PDE5A: variants seen among roughly 807,000 people sequenced by gnomAD.
The protein encoded by PDE5A is phosphodiesterase 5A, also known as cGMP-specific 3',5'-cyclic phosphodiesterase.
PDE5A carries 67 observed loss-of-function variants against 110.2 expected under a neutral mutation model. That is an observed-to-expected ratio of 0.61 (90% CI 0.50 to 0.75). The LOEUF is 0.75. Among genes scored for constraint, PDE5A ranks in the 30% least tolerant of loss-of-function variants. PDE5A has a pLI of 0.00. For missense variants in PDE5A, 862 were observed against 1,045.1 expected (o/e 0.82, Z 2.42); for synonymous variants, 328 against 351.2 (o/e 0.93, Z 0.74).
chr4:119,498,764 G>C, intron 20 of PDE5A, 26 bp from the exon 21 acceptor site: 1 of 1,612,896 alleles, frequency 6.2e-7, no homozygotes, highest in Non-Finnish European at 8.5e-7. Flanking sequence ...AAAGCAAACA[G>C]CTAGAGAGAA....
In PDE5A at chr4:119,542,490, C is replaced by G; in HGVS notation, c.1541G>C (p.Arg514Thr). 6.2e-7 allele frequency: 1 copy of G among 1,613,876 alleles called. No individual in the cohort carries two copies. Among genetic ancestry groups the G allele is most frequent in the South Asian group, 1.1e-5 (1 of 91,066 alleles). The change falls in exon 10 of 21, where the codon AGA becomes ACA. Residue 514 changes from arginine to threonine, a missense_variant. Physicochemically the swap from Arg to Thr is moderately conservative, Grantham distance 71. Transcript: ENST00000354960. ...TGTGACCATTTGCTTGGCCATGGCT[C>G]TCTCCACTGCTTCATACATCTGCGT... is the stretch of plus-strand genomic sequence containing the variant. ...QNTQMYEAVE[R>T]AMAKQMVTLE...
At chr4:119,610,922 A>G (rs1578826388) in intron 1 of PDE5A, among the ~76,000 whole-genome samples, 2 of 152,276 alleles carry the variant, frequency 1.3e-5, no homozygotes, top group Middle Eastern at 6.8e-3. Flanking sequence ...CAGCAGCCAC[A>G]GTAAATTTTC....
At chr4:119,599,282 C>T (rs1336652118) in intron 2 of PDE5A, among the ~76,000 whole-genome samples, 1 of 151,858 alleles carries the variant, frequency 6.6e-6, no homozygotes, top group South Asian at 2.1e-4. Flanking sequence ...GCAGACAATA[C>T]AAAATCACCA....
chr4:119,570,106 G>A (rs1464459040), intron 3 of PDE5A, among the ~76,000 whole-genome samples: 1 of 152,054 alleles, frequency 6.6e-6, no homozygotes, highest in African/African-American at 2.4e-5. Flanking sequence ...GTTCATCCAG[G>A]GTTGCATACA....
At chr4:119,582,982 C>T (rs542820630) in intron 3 of PDE5A, among the ~76,000 whole-genome samples, 26 of 152,208 alleles carry the variant, frequency 1.7e-4, no homozygotes, top group Non-Finnish European at 3.4e-4. Context: ...TAAGTGAGCA[C>T]TGGCTTCTGC....
At chr4:119,589,231 A>G (rs1267231276) in intron 3 of PDE5A, among the ~76,000 whole-genome samples, 1 of 151,830 alleles carries the variant, frequency 6.6e-6, no homozygotes, top group Non-Finnish European at 1.5e-5. Context: ...TCTACCCCTT[A>G]TCCTCTCCTC....
intron 11 of PDE5A, among the ~76,000 whole-genome samples, chr4:119,531,280 T>C (rs1726529117): frequency 6.6e-6 from 1 of 152,164 alleles, no homozygotes; most frequent in Non-Finnish European, 1.5e-5. Context: ...TATAATTTCT[T>C]TTTTTTCTTT....
At chr4:119,566,064 A>G (rs919981469) in intron 4 of PDE5A, among the ~76,000 whole-genome samples, 3 of 151,728 alleles carry the variant, frequency 2.0e-5, no homozygotes, top group Admixed American at 6.6e-5. Flanking sequence ...AAAAATTCAA[A>G]TCAATTCAAG....
intron 17 of PDE5A, 130 bp downstream of exon 17, chr4:119,505,725 G>T: frequency 1.7e-6 from 1 of 605,418 alleles, no homozygotes; most frequent in Non-Finnish European, 2.9e-6. Context: ...ACCCTCTGGA[G>T]AAATCTGACC....
At chr4:119,550,887 T>G (rs183064276) in intron 9 of PDE5A, among the ~76,000 whole-genome samples, 1 of 152,330 alleles carries the variant, frequency 6.6e-6, no homozygotes, top group African/African-American at 2.4e-5. Flanking sequence ...GGTATCATAT[T>G]GTAAGGCACC....
intron 9 of PDE5A, among the ~76,000 whole-genome samples, chr4:119,545,271 C>G (rs1007595529): frequency 1.3e-5 from 2 of 152,158 alleles, no homozygotes; most frequent in Middle Eastern, 3.4e-3. Flanking sequence ...AACTAAAAAC[C>G]TGGGCACATT....
At position 119,588,304 on chromosome 4, in the gene PDE5A, G is replaced by A. The variant is rs939839388; in HGVS notation, c.831+8219C>T. Among the ~76,000 whole-genome samples the A allele has an allele frequency of 2.7e-5, 4 of 150,756 alleles. No individual in the cohort carries two copies. The East Asian group carries it at 5.9e-4, about 22-fold the overall frequency. ...AGCGACTCTCCTGTGTGAGCCTCCC[G>A]AGCAGCTGGGATTGCAGGCGCATGC... is the stretch of plus-strand genomic sequence containing the variant. On this transcript the variant is annotated intron_variant, in intron 3 of 20. Transcript: ENST00000354960.
At chr4:119,587,211 C>T (rs1263304123) in intron 3 of PDE5A, among the ~76,000 whole-genome samples, 3 of 140,296 alleles carry the variant, frequency 2.1e-5, no homozygotes, top group African/African-American at 7.9e-5. Context: ...ATGCAGTGAA[C>T]GATTTGTAAC....
At chr4:119,580,081 C>A (rs1212115283) in intron 3 of PDE5A, among the ~76,000 whole-genome samples, 2 of 152,112 alleles carry the variant, frequency 1.3e-5, no homozygotes, top group African/African-American at 4.8e-5. Flanking sequence ...AGCTGTCCTG[C>A]CCCAGGAACA....
At position 119,536,733 on chromosome 4, in the gene PDE5A, T is replaced by C. The variant is rs190580396; in HGVS notation, c.1632+2227A>G. On this transcript the variant is annotated intron_variant, in intron 11 of 20. Transcript: ENST00000354960. ...TGAAAATGTTTACAAGTCCTCATTT[T>C]ACTTTGTTCTGTCTAACTTACTCTC... 4.1e-3 allele frequency among the ~76,000 whole-genome samples: 627 copies of C among 152,280 alleles called. 4 individuals carry two copies. Among genetic ancestry groups the C allele is most frequent in the Non-Finnish European group, 6.6e-3 (446 of 68,016 alleles).
intron 11 of PDE5A, among the ~76,000 whole-genome samples, chr4:119,531,417 T>C (rs1726536502): frequency 6.6e-6 from 1 of 152,116 alleles, no homozygotes; most frequent in South Asian, 2.1e-4. Context: ...TAGCTGCGAC[T>C]ACAGATGCAT....
intron 14 of PDE5A, among the ~76,000 whole-genome samples, chr4:119,515,750 T>G (rs1725888547): frequency 6.6e-6 from 1 of 152,142 alleles, no homozygotes; most frequent in Admixed American, 6.5e-5. Context: ...CTTCAGTCTC[T>G]TCCTCTCTCT....
intron 19 of PDE5A, 31 bp downstream of exon 19, chr4:119,502,546 TTGAA>T: frequency 7.8e-7 from 1 of 1,277,138 alleles, no homozygotes; most frequent in Middle Eastern, 1.9e-4. Context: ...AAAAAACAAT[TTGAA>T]TAATTCCTAC....
At chr4:119,602,105 T>C (rs776911554) in intron 2 of PDE5A, among the ~76,000 whole-genome samples, 12 of 152,180 alleles carry the variant, frequency 7.9e-5, no homozygotes, top group Admixed American at 2.0e-4. Context: ...GGACTGTTAA[T>C]AGTCTTGTAT....
Sources: gnomAD v4.1 joint callset for allele counts (sites outside exome capture counted in the v4.1 genomes callset) on GRCh38, gnomAD v4.1.1 for gene constraint, MANE v1.5 for transcripts, NCBI Gene and HGNC (gene_info 2026-07-23, HGNC 2026-07-21) for gene names.